Variants in TRPM3 observed in about 807,000 individuals in gnomAD.
TRPM3 encodes long transient receptor potential channel 3.
A neutral mutation model predicts 181.2 loss-of-function variants in TRPM3; 77 were observed. That is an observed-to-expected ratio of 0.42 (90% confidence interval 0.35 to 0.51). The LOEUF (loss-of-function observed/expected upper bound fraction) is 0.51. Among genes scored for constraint, TRPM3 ranks in the 20% least tolerant of loss-of-function variants. The pLI is 0.01. For missense variants in TRPM3, 1,759 were observed against 2,196.7 expected, an observed-to-expected ratio of 0.80 and a Z score of 3.98; for synonymous variants, 745 against 796.4, an observed-to-expected ratio of 0.94 and a Z score of 1.09.
At chr9:71,282,202 A>AAGAAAGAAAGAAAGGAAAGAAAG in intron 1 of TRPM3, among the ~76,000 whole-genome samples, 1 of 56,130 alleles carries the variant, frequency 1.8e-5, no homozygotes, top group East Asian at 3.6e-4. Context: ...GAAAGAATGA[A>AAGAAAGAAAGAAAGGAAAGAAAG]AGAAAGAAAG....
At chr9:71,284,893 C>T (rs771768751) in intron 1 of TRPM3, among the ~76,000 whole-genome samples, 4 of 152,194 alleles carry the variant, frequency 2.6e-5, no homozygotes, top group Non-Finnish European at 5.9e-5. Flanking sequence ...TGAATTAAGT[C>T]TGAATTTTGT....
At chr9:70,603,491 G>T in intron 19 of TRPM3, 21 bp from the exon 20 acceptor site, 1 of 1,612,474 alleles carries the variant, frequency 6.2e-7, no homozygotes, top group Non-Finnish European at 8.5e-7. Context: ...ACACAATACA[G>T]TGCTCTGGCT....
At position 70,534,748 on chromosome 9, in the gene TRPM3, A is replaced by G. The variant is rs2041374935; in HGVS notation, c.*1205T>C. 6.6e-6 allele frequency: 1 copy of G among 152,258 alleles called. No individual in the cohort carries two copies. The allele number at this position is 152,258 out of a possible 1,614,324, so 9.4% of individuals were successfully genotyped here. On this transcript the variant is annotated 3_prime_UTR_variant, in exon 26 of 26. Transcript: ENST00000677713. ...TTAAAAAGTACTTTGGAACATTTCC[A>G]TAGAAAAGATACCAGCCCTTGAAAA...
In TRPM3 at chr9:70,966,050, C is replaced by A. The variant is rs377067146; in HGVS notation, c.178-101539G>T. Among the ~76,000 whole-genome samples, 480 of 145,440 alleles carry A rather than the reference C, an allele frequency of 3.3e-3. 2 individuals are homozygous for A. Among genetic ancestry groups the A allele is most frequent in the Non-Finnish European group, 4.7e-3 (311 of 66,092 alleles). On this transcript the variant is annotated intron_variant, in intron 1 of 25. Coordinates refer to ENST00000677713, the MANE Select transcript of TRPM3 (RefSeq NM_001366145.2). ...CAAACAAATTTACAAAAAAAAAAAACCACAAAGAAACAACCCCATTAAGAA... is the reference window on the plus strand; with the variant it reads ...CAAACAAATTTACAAAAAAAAAAAAACACAAAGAAACAACCCCATTAAGAA...
At chr9:71,132,912 C>G (rs1161934983) in intron 1 of TRPM3, among the ~76,000 whole-genome samples, 1 of 152,028 alleles carries the variant, frequency 6.6e-6, no homozygotes, top group East Asian at 1.9e-4. Flanking sequence ...AGCTCACTTG[C>G]AATTTTAATG....
Position 71,187,649 on chromosome 9 carries a change from A to G in TRPM3, c.183+259004T>C, listed in dbSNP as rs956626832. Among the ~76,000 whole-genome samples the G allele has an allele frequency of 4.0e-5, 6 of 151,864 alleles. 1 individual carries two copies. The South Asian group carries it at 1.2e-3, about 31-fold the overall frequency. On this transcript the variant is annotated intron_variant, in intron 1 of 24. Transcript: ENST00000357533. ...GTTTATTTTTATTTAAAAACTATACACTCTTTATAAAATAAAAAAACTCAA... is the reference window on the plus strand; with the variant it reads ...GTTTATTTTTATTTAAAAACTATACGCTCTTTATAAAATAAAAAAACTCAA...
chr9:70,926,398 C>A (rs1302710778), intron 1 of TRPM3, among the ~76,000 whole-genome samples: 1 of 152,142 alleles, frequency 6.6e-6, no homozygotes, highest in Non-Finnish European at 1.5e-5. Context: ...GATACTAATG[C>A]ATGAACCCTT....
intron 1 of TRPM3, among the ~76,000 whole-genome samples, chr9:71,104,378 A>G (rs771341274): frequency 2.6e-5 from 4 of 152,206 alleles, no homozygotes; most frequent in African/African-American, 9.6e-5. Flanking sequence ...ATTTGCTTTT[A>G]TTTACAACTT....
At chr9:71,020,635 T>A (rs2097840151) in intron 1 of TRPM3, among the ~76,000 whole-genome samples, 1 of 152,190 alleles carries the variant, frequency 6.6e-6, no homozygotes, top group Admixed American at 6.5e-5. Flanking sequence ...GTATTCAATC[T>A]CATTAGTCAT....
chr9:70,830,230 G>A (rs928350717), intron 5 of TRPM3, among the ~76,000 whole-genome samples: 1 of 152,176 alleles, frequency 6.6e-6, no homozygotes, highest in African/African-American at 2.4e-5. Flanking sequence ...CAGTGAAAGT[G>A]AAATTTTCAA....
chr9:70,677,652 C>T (rs2064348222), intron 9 of TRPM3, among the ~76,000 whole-genome samples: 1 of 152,232 alleles, frequency 6.6e-6, no homozygotes. Context: ...GCTGTTCATA[C>T]TTCACTGAGC....
intron 1 of TRPM3, among the ~76,000 whole-genome samples, chr9:71,212,332 A>G (rs2131806501): frequency 6.6e-6 from 1 of 152,202 alleles, no homozygotes; most frequent in African/African-American, 2.4e-5. Context: ...TTGTGATTTC[A>G]TGTTCCTTAT....
intron 17 of TRPM3, among the ~76,000 whole-genome samples, chr9:70,617,406 G>A (rs1452284516): frequency 6.6e-6 from 1 of 152,162 alleles, no homozygotes; most frequent in African/African-American, 2.4e-5. Context: ...CAGGGGCAGG[G>A]GTGAGGTTGG....
chr9:70,947,922 A>T (rs1589994190), intron 1 of TRPM3, among the ~76,000 whole-genome samples: 1 of 152,196 alleles, frequency 6.6e-6, no homozygotes, highest in Admixed American at 6.5e-5. Flanking sequence ...TTTCTGTAGC[A>T]AAACTAAGTA....
intron 1 of TRPM3, among the ~76,000 whole-genome samples, chr9:71,053,737 C>T (rs996081528): frequency 3.9e-5 from 6 of 152,120 alleles, no homozygotes; most frequent in African/African-American, 1.2e-4. Context: ...CCTCACACTC[C>T]TTTGCCAGCA....
chr9:70,865,712 G>C (rs970928240), intron 1 of TRPM3, among the ~76,000 whole-genome samples: 1 of 152,054 alleles, frequency 6.6e-6, no homozygotes, highest in East Asian at 1.9e-4. Context: ...AGGCAAGCAT[G>C]TGGCACCGAA....
chr9:70,674,279 G>C (rs1159377691), intron 9 of TRPM3, among the ~76,000 whole-genome samples: 2 of 152,128 alleles, frequency 1.3e-5, no homozygotes, highest in East Asian at 3.8e-4. Flanking sequence ...TTGTTTATGA[G>C]AGCTACCTGA....
chr9:71,178,349 GAGTA>G (rs1394147255), intron 1 of TRPM3, among the ~76,000 whole-genome samples: 95 of 152,184 alleles, frequency 6.2e-4, no homozygotes, highest in African/African-American at 2.2e-3. Flanking sequence ...TATCTGAATA[GAGTA>G]AGTAATACAG....
intron 1 of TRPM3, among the ~76,000 whole-genome samples, chr9:71,356,267 C>A (rs1588645027): frequency 6.6e-6 from 1 of 152,012 alleles, no homozygotes; most frequent in Non-Finnish European, 1.5e-5. Flanking sequence ...TTATGGGGGT[C>A]TGTGGTATGG....
Sources: allele counts gnomAD v4.1 joint callset (sites outside exome capture counted in the v4.1 genomes callset), GRCh38; gene constraint gnomAD v4.1.1; transcripts MANE v1.5; gene names NCBI Gene and HGNC (gene_info 2026-07-23, HGNC 2026-07-21).